Variants in NXPH1 observed in about 807,000 individuals in gnomAD.
NXPH1 encodes the protein neurexophilin-1.
Under a neutral mutation model 23.7 loss-of-function variants are expected in NXPH1, and 5 were observed. That is an observed-to-expected ratio of 0.21 (90% CI 0.11 to 0.44). The LOEUF is 0.44. Ranked by LOEUF, NXPH1 falls within the 20% of genes least tolerant of loss-of-function variation. The pLI is 0.99. For synonymous variants in NXPH1, 144 were observed against 122.2 expected, an observed-to-expected ratio of 1.18 and a Z score of -1.18; for missense variants, 324 against 321.6, an observed-to-expected ratio of 1.01 and a Z score of -0.06.
intron 2 of NXPH1, among the ~76,000 whole-genome samples, chr7:8,514,995 C>A (rs1368179398): frequency 6.6e-6 from 1 of 152,084 alleles, no homozygotes; most frequent in Non-Finnish European, 1.5e-5. Flanking sequence ...TTTCTCCCTT[C>A]CCAAAGAACA....
At chr7:8,680,851 C>T (rs1215323517) in intron 2 of NXPH1, among the ~76,000 whole-genome samples, 1 of 152,208 alleles carries the variant, frequency 6.6e-6, no homozygotes, top group African/African-American at 2.4e-5. Context: ...ACAGCTCCTG[C>T]ATAAGCCATG....
chr7:8,730,304 T>A (rs1335811303), intron 2 of NXPH1, among the ~76,000 whole-genome samples: 30 of 149,600 alleles, frequency 2.0e-4, no homozygotes, highest in African/African-American at 6.7e-4. Flanking sequence ...AATTTGCCAG[T>A]CTGTGTCTTT....
intron 2 of NXPH1, among the ~76,000 whole-genome samples, chr7:8,461,674 C>A (rs1031000734): frequency 2.7e-5 from 4 of 148,988 alleles, no homozygotes; most frequent in Non-Finnish European, 5.9e-5. Flanking sequence ...ACTAAAAATA[C>A]AAAAAATTAG....
At chr7:8,612,100 G>T (rs192432336) in intron 2 of NXPH1, among the ~76,000 whole-genome samples, 2 of 151,822 alleles carry the variant, frequency 1.3e-5, no homozygotes, top group African/African-American at 2.4e-5. Flanking sequence ...ATATGTGAAG[G>T]CATGTTCAGT....
At chr7:8,570,479 A>C (rs973363599) in intron 2 of NXPH1, among the ~76,000 whole-genome samples, 1 of 152,060 alleles carries the variant, frequency 6.6e-6, no homozygotes, top group Non-Finnish European at 1.5e-5. Flanking sequence ...TAATTAGTAA[A>C]TAATGAGCCT....
chr7:8,556,729 T>A (rs1274866054), intron 2 of NXPH1, among the ~76,000 whole-genome samples: 2 of 151,734 alleles, frequency 1.3e-5, no homozygotes, highest in Non-Finnish European at 3.0e-5. Flanking sequence ...ATATATTGTG[T>A]TACTGATAAA....
chr7:8,512,427 T>C (rs1352754613), intron 2 of NXPH1, among the ~76,000 whole-genome samples: 1 of 152,108 alleles, frequency 6.6e-6, no homozygotes, highest in African/African-American at 2.4e-5. Flanking sequence ...AAGTGACTCT[T>C]AATCTTTTTG....
At chr7:8,731,937 G>A (rs938158794) in intron 2 of NXPH1, among the ~76,000 whole-genome samples, 3 of 152,284 alleles carry the variant, frequency 2.0e-5, no homozygotes, top group Middle Eastern at 3.4e-3. Flanking sequence ...CCCCTCCCCC[G>A]GCCTTGCTGC....
chr7:8,693,645 A>G (rs1821257564), intron 2 of NXPH1, among the ~76,000 whole-genome samples: 1 of 152,166 alleles, frequency 6.6e-6, no homozygotes, highest in Admixed American at 6.5e-5. Context: ...AAAATCTCAG[A>G]CCAGAAAAGG....
chr7:8,679,932 A>G lies in NXPH1; in HGVS notation c.55-71076A>G, dbSNP rs145040520. Among the ~76,000 whole-genome samples the G allele has an allele frequency of 6.8e-3, 1,030 of 152,346 alleles. 17 individuals carry two copies. The highest frequency in any genetic ancestry group is 0.023 in the African/African-American group (966 of 41,584). ...ACTACTAAGGAGGCTGAGGCAGTAG[A>G]ATTGCTTGAACCCAGGAGGCTGAGG... On this transcript the variant is annotated intron_variant, in intron 2 of 2. Coordinates refer to ENST00000405863, the MANE Select transcript of NXPH1 (RefSeq NM_152745.3).
intron 2 of NXPH1, among the ~76,000 whole-genome samples, chr7:8,714,118 C>A (rs932931278): frequency 6.6e-6 from 1 of 152,200 alleles, no homozygotes; most frequent in African/African-American, 2.4e-5. Flanking sequence ...GTGCCCTAAA[C>A]TACTGCAGCT....
chr7:8,732,187 G>C (rs1024628211), intron 2 of NXPH1, among the ~76,000 whole-genome samples: 5 of 152,218 alleles, frequency 3.3e-5, no homozygotes, highest in East Asian at 1.9e-4. Context: ...GCAATGCCTC[G>C]CCATGCTTCG....
intron 2 of NXPH1, among the ~76,000 whole-genome samples, chr7:8,480,395 G>T (rs1298772552): frequency 6.6e-6 from 1 of 152,138 alleles, no homozygotes; most frequent in Non-Finnish European, 1.5e-5. Flanking sequence ...CTCTTGAAAT[G>T]GAAGGCAAAT....
intron 2 of NXPH1, among the ~76,000 whole-genome samples, chr7:8,634,992 G>T (rs553443860): frequency 6.6e-6 from 1 of 152,192 alleles, no homozygotes; most frequent in East Asian, 1.9e-4. Flanking sequence ...ATTACTGGAA[G>T]TGCAAACAAC....
At chr7:8,620,449 G>A (rs981060466) in intron 2 of NXPH1, among the ~76,000 whole-genome samples, 1 of 152,100 alleles carries the variant, frequency 6.6e-6, no homozygotes, top group Non-Finnish European at 1.5e-5. Context: ...TTAGTTCAAG[G>A]GGAATTATGG....
chr7:8,751,705 T>G lies in NXPH1; in HGVS notation c.752T>G (p.Leu251Arg). 6.2e-7 allele frequency: 1 copy of G among 1,612,872 alleles called. No individual in the cohort carries two copies. Among genetic ancestry groups the G allele is most frequent in the Non-Finnish European group, 8.5e-7 (1 of 1,179,420 alleles). The part of the protein sequence containing the change: ...YISFYSTDYK[L>R]VQKVCPDYNY... ...TCCTTTTATAGTACAGATTATAAAC[T>G]GGTACAGAAAGTGTGCCCTGACTAC... is the stretch of plus-strand genomic sequence containing the variant. The change falls in exon 3 of 3, where the codon CTG (leucine) becomes CGG (arginine). Residue 251 changes from leucine (L) to arginine (R), a missense_variant. Physicochemically the swap from Leu to Arg is moderately radical, Grantham distance 102 (BLOSUM62 -2). Transcript: ENST00000405863. The surrounding 1 kb of genome is among the most constrained non-coding windows in gnomAD (Gnocchi z 4.5).
chr7:8,523,696 C>A (rs1817813756), intron 2 of NXPH1, among the ~76,000 whole-genome samples: 1 of 152,208 alleles, frequency 6.6e-6, no homozygotes. Context: ...ACTAGGCATA[C>A]AACAAACATT....
chr7:8,696,607 G>A (rs1562457554), intron 2 of NXPH1, among the ~76,000 whole-genome samples: 1 of 152,116 alleles, frequency 6.6e-6, no homozygotes, highest in Non-Finnish European at 1.5e-5. Context: ...TAATTTCCAG[G>A]CATATAGTTC....
intron 2 of NXPH1, among the ~76,000 whole-genome samples, chr7:8,636,629 C>A (rs1315883620): frequency 6.6e-6 from 1 of 152,152 alleles, no homozygotes; most frequent in East Asian, 1.9e-4. Context: ...TAAGGGGAAT[C>A]ATGAGGATGC....
Sources: allele counts gnomAD v4.1 joint callset (sites outside exome capture counted in the v4.1 genomes callset), GRCh38; gene constraint gnomAD v4.1.1; non-coding constraint Gnocchi (gnomAD v3.1); transcripts MANE v1.5; gene names NCBI Gene and HGNC (gene_info 2026-07-23, HGNC 2026-07-21).